The following CMPK2 variants were observed in gnomAD, a reference collection of about 807,000 sequenced individuals.
CMPK2 encodes cytidine/uridine monophosphate kinase 2, also known as UMP-CMP kinase 2, mitochondrial.
Under a neutral mutation model 33.4 loss-of-function variants are expected in CMPK2, and 32 were observed. The observed-to-expected ratio is 0.96, with a 90% CI of 0.72 to 1.29. CMPK2 has a LOEUF of 1.29. Ranked by LOEUF, CMPK2 falls within the 50% of genes most tolerant of loss-of-function variation. The pLI is 0.00. For missense variants in CMPK2, 672 were observed against 616.0 expected, an observed-to-expected ratio of 1.09 and a Z score of -0.96; for synonymous variants, 299 against 275.3, an observed-to-expected ratio of 1.09 and a Z score of -0.85.
downstream of CMPK2, among the ~76,000 whole-genome samples, chr2:6,847,939 C>T (rs2103216019): frequency 6.6e-6 from 1 of 152,246 alleles, no homozygotes; most frequent in African/African-American, 2.4e-5. Flanking sequence ...TGGTCTATCA[C>T]AGGAACAAAA....
At chr2:6,860,306 T>A (rs1386181298) in intron 3 of CMPK2, among the ~76,000 whole-genome samples, 1 of 152,132 alleles carries the variant, frequency 6.6e-6, no homozygotes, top group Non-Finnish European at 1.5e-5. Flanking sequence ...GGACTGTTGG[T>A]AAGGCATGAT....
At chr2:6,847,308 C>T (rs954143126), downstream of CMPK2, among the ~76,000 whole-genome samples, 1 of 152,208 alleles carries the variant, frequency 6.6e-6, no homozygotes, top group Non-Finnish European at 1.5e-5. Context: ...CCCACTGGAA[C>T]TAACTGGAGC....
chr2:6,854,924 C>T (rs1428818371), intron 3 of CMPK2, among the ~76,000 whole-genome samples: 3 of 151,906 alleles, frequency 2.0e-5, no homozygotes, highest in Non-Finnish European at 4.4e-5. Context: ...ACACAGTGGC[C>T]AGTGCTGCTT....
At chr2:6,865,950 G>C (rs1435320591), upstream of CMPK2, 1 of 1,280,414 alleles carries the variant, frequency 7.8e-7, no homozygotes, top group African/African-American at 1.6e-5. Context: ...GCTTGGCCCC[G>C]GGGCCCCAGG....
At chr2:6,860,635 A>T (rs1442232472) in intron 3 of CMPK2, among the ~76,000 whole-genome samples, 2 of 152,252 alleles carry the variant, frequency 1.3e-5, no homozygotes, top group Admixed American at 6.5e-5. Context: ...CTGTAAGTCC[A>T]TTAAACTGCT....
At chr2:6,863,431 A>AT (rs747963538) in intron 2 of CMPK2, 33 bp downstream of exon 2, 1 of 1,563,264 alleles carries the variant, frequency 6.4e-7, no homozygotes, top group African/African-American at 1.4e-5. Context: ...AGTTAGTGTC[A>AT]TTGCCTATAA....
intron 1 of CMPK2, among the ~76,000 whole-genome samples, chr2:6,863,992 C>T (rs1216122425): frequency 6.6e-6 from 1 of 152,218 alleles, no homozygotes; most frequent in Admixed American, 6.5e-5. Flanking sequence ...CTCTCCTAGC[C>T]ATTCAGGGGG....
chr2:6,864,837 C>A (rs1193665950), intron 1 of CMPK2, among the ~76,000 whole-genome samples, 185 bp downstream of exon 1: 2 of 152,188 alleles, frequency 1.3e-5, no homozygotes, highest in Non-Finnish European at 2.9e-5. Context: ...TTGGAAGATC[C>A]TTGCAAACAA....
intron 3 of CMPK2, among the ~76,000 whole-genome samples, chr2:6,859,404 C>T (rs1341214777): frequency 6.6e-6 from 1 of 152,166 alleles, no homozygotes; most frequent in Non-Finnish European, 1.5e-5. Context: ...ATGTCAGAGA[C>T]CTCTGCTGCT....
intron 3 of CMPK2, among the ~76,000 whole-genome samples, chr2:6,852,126 A>G (rs891555740): frequency 7.2e-5 from 11 of 152,176 alleles, no homozygotes; most frequent in African/African-American, 1.2e-4. Flanking sequence ...GAACTTGCCA[A>G]TGAAATTCAC....
At position 6,849,851 on chromosome 2, in the gene CMPK2, T is replaced by C. The variant is rs766812019; in HGVS notation, c.1349A>G (p.Ter450TrpextTer10). ...AGACGTGGCACCTGGCCAGAGTAACTACGGTTCACTAAAACTATTCTGGAT... is the reference window on the plus strand; with the variant it reads ...AGACGTGGCACCTGGCCAGAGTAACCACGGTTCACTAAAACTATTCTGGAT... ...SLIQNSFSEP[*>W] Residue 450 changes from the stop codon to tryptophan, a stop_lost, in exon 5 of 5, where the codon TAG (stop) becomes TGG (tryptophan). Coordinates refer to ENST00000256722, the MANE Select transcript of CMPK2 (RefSeq NM_207315.4). 1.5e-5 allele frequency: 24 copies of C among 1,613,922 alleles called. No homozygotes were observed. The highest frequency in any genetic ancestry group is 2.0e-5 in the Non-Finnish European group (24 of 1,179,910).
At chr2:6,840,814 C>G in intron 3 of CMPK2, 2 of 611,446 alleles carry the variant, frequency 3.3e-6, no homozygotes, top group Non-Finnish European at 5.9e-6. Context: ...AGGGAGGTTA[C>G]ATGTTTAACC....
intron 3 of CMPK2, among the ~76,000 whole-genome samples, chr2:6,854,452 C>T (rs1662623800): frequency 6.6e-6 from 1 of 152,132 alleles, no homozygotes. Context: ...ACAAAGACAA[C>T]AAATAACTGC....
In CMPK2 at chr2:6,863,616, G is replaced by A. The variant is rs759923140; in HGVS notation, c.676-38C>T. On this transcript the variant is annotated intron_variant, in intron 1 of 4. Transcript: ENST00000256722. ...GTCTATCCATCAGCAATGAAGCCAG[G>A]GGGCTTTTGCAGAAATCACACCTAA... The A allele has an allele frequency of 6.6e-6, 10 of 1,522,990 alleles. No homozygotes were observed. In the African/African-American group the frequency reaches 1.1e-4, roughly 17 times the overall value. The allele number at this position is 1,522,990 out of a possible 1,614,324, so 94.3% of individuals were successfully genotyped here. A position where few individuals can be genotyped will look rare whatever the true frequency, so the allele number is the denominator to read the frequency against.
intron 3 of CMPK2, among the ~76,000 whole-genome samples, chr2:6,853,752 A>G (rs1047452169): frequency 6.6e-6 from 1 of 152,098 alleles, no homozygotes; most frequent in African/African-American, 2.4e-5. Flanking sequence ...TATACAAAAA[A>G]TTAGCCGGGC....
rs1210720820 is a variant in CMPK2 at position 6,851,562 on chromosome 2, T to G, written c.1114A>C (p.Ile372Leu). The G allele has an allele frequency of 3.7e-6, 6 of 1,614,188 alleles. No individual in the cohort carries two copies. The East Asian group carries it at 1.3e-4, about 36-fold the overall frequency. The part of the protein sequence containing the change: ...WPEDLLKPDL[I>L]LLLTVSPEER... ...TCAGGACTCACAGTGAGCAGCAGGA[T>G]AAGGTCAGGTTTGAGCAGGTCCTCT... Residue 372 changes from isoleucine (I) to leucine (L), a missense_variant, in exon 4 of 5, where the codon ATC (isoleucine) becomes CTC (leucine). Physicochemically the swap from Ile to Leu is conservative, Grantham distance 5. Coordinates refer to ENST00000256722, the MANE Select transcript of CMPK2 (RefSeq NM_207315.4).
At position 6,865,778 on chromosome 2, in the gene CMPK2, C is replaced by T. The variant is rs920825662; in HGVS notation, c.-82G>A. The T allele has an allele frequency of 8.0e-7, 1 of 1,256,740 alleles. No homozygotes were observed. The highest frequency in any genetic ancestry group is 2.6e-5 in the South Asian group (1 of 37,920). 77.8% of individuals were successfully genotyped at this position (1,256,740 alleles called of 1,614,324 possible). ...CCAGGCGCCGGCGGGAAACGAAACCCGGAGGGAGCCAGGCGCCAGCGGGAA... is the reference window on the plus strand; with the variant it reads ...CCAGGCGCCGGCGGGAAACGAAACCTGGAGGGAGCCAGGCGCCAGCGGGAA... On this transcript the variant is annotated 5_prime_UTR_variant, in exon 1 of 5. Coordinates refer to ENST00000256722, the MANE Select transcript of CMPK2 (RefSeq NM_207315.4).
chr2:6,847,503 C>A (rs1412782186), downstream of CMPK2, among the ~76,000 whole-genome samples: 2 of 152,174 alleles, frequency 1.3e-5, no homozygotes, highest in Non-Finnish European at 2.9e-5. Flanking sequence ...GGCATGTCTC[C>A]AGGCACAACA....
At chr2:6,854,961 A>G (rs1243744629) in intron 3 of CMPK2, among the ~76,000 whole-genome samples, 1 of 151,746 alleles carries the variant, frequency 6.6e-6, no homozygotes, top group Non-Finnish European at 1.5e-5. Flanking sequence ...CCTAGGACAT[A>G]ATGGACCTCG....
Sources: gnomAD v4.1 joint callset for allele counts (sites outside exome capture counted in the v4.1 genomes callset) on GRCh38, gnomAD v4.1.1 for gene constraint, MANE v1.5 for transcripts, NCBI Gene and HGNC (gene_info 2026-07-23, HGNC 2026-07-21) for gene names.